Variants in NLGN4X observed in about 807,000 individuals in gnomAD.
NLGN4X encodes the protein neuroligin 4 X-linked.
Under a neutral mutation model 40.3 loss-of-function variants are expected in NLGN4X, and 3 were observed. The observed-to-expected ratio is 0.07, with a 90% confidence interval of 0.03 to 0.19. The LOEUF (loss-of-function observed/expected upper bound fraction) is 0.19. Ranked by LOEUF, NLGN4X falls within the 10% of genes least tolerant of loss-of-function variation. The probability of loss-of-function intolerance (pLI) is 1.00; values close to 1 mark genes in which losing one functional copy is unlikely to be tolerated. For missense variants in NLGN4X, 382 were observed against 708.3 expected, an observed-to-expected ratio of 0.54 and a Z score of 5.23; for synonymous variants, 270 against 306.8, an observed-to-expected ratio of 0.88 and a Z score of 1.25.
intron 3 of NLGN4X, among the ~76,000 whole-genome samples, chrX:5,944,833 T>C (rs1292411422): frequency 4.5e-5 from 5 of 111,433 alleles, no homozygotes; most frequent in Non-Finnish European, 9.4e-5. Flanking sequence ...TGTTTGGAGC[T>C]AGAAGACAGA....
intron 3 of NLGN4X, among the ~76,000 whole-genome samples, chrX:5,929,188 C>T (rs767614888): frequency 1.8e-5 from 2 of 111,676 alleles, no homozygotes; most frequent in African/African-American, 3.3e-5. Flanking sequence ...GCCGGCTTGG[C>T]GTGGTGGCTC....
intron 2 of NLGN4X, among the ~76,000 whole-genome samples, chrX:6,097,819 C>T (rs1044477973): frequency 3.6e-5 from 4 of 111,053 alleles, no homozygotes; most frequent in Admixed American, 9.6e-5. Flanking sequence ...AAAAATAACA[C>T]GTCCTCAAAT....
intron 2 of NLGN4X, among the ~76,000 whole-genome samples, chrX:6,078,702 T>G (rs1458744557): frequency 1.1e-5 from 1 of 92,914 alleles, no homozygotes; most frequent in Non-Finnish European, 2.2e-5. Context: ...TAAATTCTAT[T>G]AAAACCATTC....
intron 1 of NLGN4X, among the ~76,000 whole-genome samples, chrX:6,204,348 G>A (rs771464610): frequency 8.9e-6 from 1 of 111,870 alleles, no homozygotes; most frequent in South Asian, 3.8e-4. Context: ...TGCCCAGCAC[G>A]TCAATGAGTT....
At chrX:6,096,749 G>A (rs997803561) in intron 2 of NLGN4X, among the ~76,000 whole-genome samples, 1 of 111,860 alleles carries the variant, frequency 8.9e-6, no homozygotes, top group Non-Finnish European at 1.9e-5. Flanking sequence ...ACACACATAC[G>A]AACATGAGTA....
At position 6,151,568 on chromosome X, in the gene NLGN4X, C is replaced by T; in HGVS notation, c.-102G>A. On this transcript the variant is annotated 5_prime_UTR_variant, in exon 2 of 6. Coordinates refer to ENST00000381095, the MANE Select transcript of NLGN4X (RefSeq NM_181332.3). Reference sequence around the variant, plus strand: ...CAGAGAGATAGGGCTTTCCAGGGAGCAGTAGACCTGGGAGAGACTCTCAGA... The same window carrying T: ...CAGAGAGATAGGGCTTTCCAGGGAGTAGTAGACCTGGGAGAGACTCTCAGA... 1 of 676,482 alleles carries T rather than the reference C, an allele frequency of 1.5e-6. No individual in the cohort carries two copies. Among genetic ancestry groups the T allele is most frequent in the Non-Finnish European group, 2.4e-6 (1 of 425,336 alleles). 55.7% of individuals were successfully genotyped at this position (676,482 alleles called of 1,213,427 possible). A position where few individuals can be genotyped will look rare whatever the true frequency, so the allele number is the denominator to read the frequency against.
At chrX:6,148,462 TCATTTAGTGAATAATTAATAATTAAA>T (rs2040098392) in intron 2 of NLGN4X, among the ~76,000 whole-genome samples, 1 of 112,050 alleles carries the variant, frequency 8.9e-6, no homozygotes, top group South Asian at 3.7e-4. Flanking sequence ...CGGAGTTCAT[TCATTTAGTGAATAATTAATAATTAAA>T]CATCTAAAGC....
chrX:6,086,053 T>C (rs1224112204), intron 2 of NLGN4X, among the ~76,000 whole-genome samples: 1 of 112,056 alleles, frequency 8.9e-6, no homozygotes, highest in Non-Finnish European at 1.9e-5. Context: ...AATACTATTA[T>C]TACTGTTATT....
intron 1 of NLGN4X, among the ~76,000 whole-genome samples, chrX:6,213,474 TG>T (rs1924793798): frequency 8.9e-6 from 1 of 111,880 alleles, no homozygotes; most frequent in African/African-American, 3.3e-5. Flanking sequence ...CAAATTGTGA[TG>T]TCAGTTCTTA....
chrX:6,038,790 T>C (rs2037085190), intron 2 of NLGN4X, among the ~76,000 whole-genome samples: 2 of 111,723 alleles, frequency 1.8e-5, no homozygotes, highest in East Asian at 5.7e-4. Flanking sequence ...GCAGAAAAGG[T>C]TGGTAACAAA....
intron 1 of NLGN4X, among the ~76,000 whole-genome samples, chrX:6,153,774 G>A (rs959958277): frequency 8.9e-6 from 1 of 111,906 alleles, no homozygotes; most frequent in Non-Finnish European, 1.9e-5. Flanking sequence ...GAGACTATGA[G>A]TCACTTATTG....
intron 3 of NLGN4X, among the ~76,000 whole-genome samples, chrX:5,914,844 A>G (rs2032705348): frequency 8.9e-6 from 1 of 112,128 alleles, no homozygotes; most frequent in African/African-American, 3.2e-5. Context: ...AAGCATAAAA[A>G]ACAAAAATCA....
chrX:5,898,117 C>G (rs1247836955), intron 5 of NLGN4X, among the ~76,000 whole-genome samples: 3 of 36,162 alleles, frequency 8.3e-5, no homozygotes, highest in Non-Finnish European at 1.6e-4. Flanking sequence ...CCTCTCTTCC[C>G]TCTTTTCTCT....
intron 2 of NLGN4X, among the ~76,000 whole-genome samples, chrX:6,097,761 T>A (rs932412564): frequency 6.3e-5 from 7 of 111,552 alleles, no homozygotes; most frequent in Non-Finnish European, 1.3e-4. Context: ...CCTCATTCGA[T>A]GGCTTAGCAA....
chrX:6,177,098 T>C (rs892192028), intron 1 of NLGN4X, among the ~76,000 whole-genome samples: 7 of 112,079 alleles, frequency 6.2e-5, no homozygotes, highest in African/African-American at 1.9e-4. Flanking sequence ...TTTGAGAGCA[T>C]ACAACTCCCC....
Position 5,934,124 on chromosome X carries a change from A to C in NLGN4X, c.626-24885T>G, listed in dbSNP as rs147534601. On this transcript the variant is annotated intron_variant, in intron 3 of 5. Transcript: ENST00000381095. ...TCTGAGTTTGACTTCTTTAGATTCCACATATAATTGAGATCATGCAGTGTT... is the reference window on the plus strand; with the variant it reads ...TCTGAGTTTGACTTCTTTAGATTCCCCATATAATTGAGATCATGCAGTGTT... Among the ~76,000 whole-genome samples the C allele has an allele frequency of 4.5e-3, 502 of 111,675 alleles. 2 individuals carry two copies. Among genetic ancestry groups the C allele is most frequent in the African/African-American group, 0.015 (474 of 30,844 alleles).
At chrX:5,938,512 T>C (rs978019685) in intron 3 of NLGN4X, among the ~76,000 whole-genome samples, 1 of 111,155 alleles carries the variant, frequency 9.0e-6, no homozygotes, top group South Asian at 3.8e-4. Context: ...GAGTTTAGAA[T>C]TGAGTTCTTT....
intron 3 of NLGN4X, among the ~76,000 whole-genome samples, chrX:5,935,060 A>G (rs992680339): frequency 3.6e-5 from 4 of 112,108 alleles, no homozygotes; most frequent in Non-Finnish European, 5.6e-5. Flanking sequence ...AAAACCAGGG[A>G]AGCTCAACAA....
At chrX:5,898,037 C>T (rs2031607736) in intron 5 of NLGN4X, among the ~76,000 whole-genome samples, 1 of 94,175 alleles carries the variant, frequency 1.1e-5, no homozygotes. Flanking sequence ...TTCTTTCTCT[C>T]TCCCTCCATT....
Sources: gnomAD v4.1 joint callset for allele counts (sites outside exome capture counted in the v4.1 genomes callset) on GRCh38, gnomAD v4.1.1 for gene constraint, MANE v1.5 for transcripts, NCBI Gene and HGNC (gene_info 2026-07-23, HGNC 2026-07-21) for gene names.